ZCCHC2: variants seen among roughly 807,000 people sequenced by gnomAD.
ZCCHC2 encodes the protein zinc finger CCHC domain-containing protein 2.
Under a neutral mutation model 103.6 loss-of-function variants are expected in ZCCHC2, and 39 were observed. The ratio of observed to expected loss-of-function variants is 0.38; its 90% CI spans 0.29 to 0.49. ZCCHC2 has a LOEUF of 0.49. ZCCHC2 is among the 20% of genes least tolerant of loss of function. The pLI, the probability that ZCCHC2 is intolerant of heterozygous loss-of-function variation, is 0.96. For synonymous variants in ZCCHC2, 687 were observed against 608.9 expected (o/e 1.13, Z -1.89); for missense variants, 1,483 against 1,491.0 (o/e 0.99, Z 0.09).
In ZCCHC2 at chr18:62,524,160, C is replaced by T; in HGVS notation, c.736C>T (p.Arg246Trp). 3 of 1,546,360 alleles carry T rather than the reference C, an allele frequency of 1.9e-6. No individual in the cohort carries two copies. The highest frequency in any genetic ancestry group is 2.6e-6 in the Non-Finnish European group (3 of 1,145,990). ...SGPEGGIVEPRVGGGLGSRAQ... is the reference protein window; with the variant it reads ...SGPEGGIVEPWVGGGLGSRAQ... ...CCCGGAAGGCGGCATTGTGGAGCCCCGGGTCGGCGGCGGGCTTGGCTCCAG... is the reference window on the plus strand; with the variant it reads ...CCCGGAAGGCGGCATTGTGGAGCCCTGGGTCGGCGGCGGGCTTGGCTCCAG... Residue 246 changes from arginine (R) to tryptophan (W), a missense_variant, in exon 1 of 14, where the codon CGG (arginine) becomes TGG (tryptophan). By Grantham distance (101) the Arg-to-Trp change is moderately radical. This residue lies in a region of ZCCHC2 where 568 missense variants were observed against 525.1 expected (regional missense o/e 1.08). Transcript: ENST00000269499.
chr18:62,534,629 T>A (rs895103332), intron 1 of ZCCHC2, among the ~76,000 whole-genome samples: 2 of 152,212 alleles, frequency 1.3e-5, no homozygotes, highest in Non-Finnish European at 2.9e-5. Context: ...TTTTTATGTT[T>A]CTTGTTAGAA....
intron 1 of ZCCHC2, 187 bp downstream of exon 1, chr18:62,524,550 C>T (rs918725699): frequency 1.0e-5 from 9 of 857,926 alleles, no homozygotes; most frequent in African/African-American, 1.8e-5. Flanking sequence ...TCCACTCCCC[C>T]ACCCCACCCC....
chr18:62,542,783 A>G (rs1311732274), intron 3 of ZCCHC2, among the ~76,000 whole-genome samples: 1 of 152,214 alleles, frequency 6.6e-6, no homozygotes, highest in Non-Finnish European at 1.5e-5. Flanking sequence ...CTATTTTATT[A>G]AAAAGAAGTA....
At chr18:62,564,116 TATAA>T (rs1916240334) in intron 9 of ZCCHC2, among the ~76,000 whole-genome samples, 2 of 152,352 alleles carry the variant, frequency 1.3e-5, no homozygotes, top group South Asian at 4.1e-4. Context: ...TCTGAGAAAT[TATAA>T]ATAGTTTTAG....
chr18:62,560,674 G>A (rs766999476), intron 8 of ZCCHC2, 30 bp downstream of exon 8: 1 of 1,565,670 alleles, frequency 6.4e-7, no homozygotes, highest in Non-Finnish European at 8.8e-7. Flanking sequence ...AACAAAAAGT[G>A]CTTTGGTATG....
intron 6 of ZCCHC2, 136 bp from the exon 7 acceptor site, chr18:62,558,551 G>A: frequency 2.0e-6 from 1 of 512,786 alleles, no homozygotes; most frequent in Non-Finnish European, 3.5e-6. Flanking sequence ...GTGTCATCTT[G>A]CCTTCTCACT....
chr18:62,586,282 A>C (rs1366085769), exon 15 of ZCCHC2: 1 of 151,666 alleles, frequency 6.6e-6, no homozygotes, highest in Non-Finnish European at 1.5e-5. Context: ...AACTGATTTG[A>C]AGTTCTTATT....
rs764307980 is a variant in ZCCHC2, at chr18:62,575,365, A to G, written c.3284A>G (p.Asn1095Ser). The change falls in exon 13 of 14, where the codon AAC becomes AGC. Residue 1095 changes from asparagine to serine, a missense_variant. By Grantham distance (46) the Asn-to-Ser change is conservative. Around this residue, in one of 3 missense-constraint regions of ZCCHC2, gnomAD observed 884 missense variants for 907.5 expected, o/e 0.97. Transcript: ENST00000269499. ...GACCCAGTCATGGGGAGCCAAGCCA[A>G]CTATGGCATGCAGCAGATGGCAGGA... is the stretch of plus-strand genomic sequence containing the variant. ...VHDPVMGSQANYGMQQMAGFG... is the reference protein window; with the variant it reads ...VHDPVMGSQASYGMQQMAGFG... 2 of 1,613,986 alleles carry G rather than the reference A, an allele frequency of 1.2e-6. No homozygotes were observed. The highest frequency in any genetic ancestry group is 1.7e-5 in the Admixed American group (1 of 60,018).
chr18:62,544,833 T>C lies in ZCCHC2; in HGVS notation c.1160T>C (p.Val387Ala). Residue 387 changes from valine to alanine, a missense_variant, in exon 4 of 14, where the codon GTA becomes GCA. By Grantham distance (64) the Val-to-Ala change is moderately conservative (BLOSUM62 0). This residue lies in a region of ZCCHC2 where 31 missense variants were observed against 58.4 expected (regional missense o/e 0.53). Transcript: ENST00000269499. ...VNWSDLSVTT[V>A]TKTHQELQEF... ...TGGTCTGATCTTTCAGTCACAACAG[T>C]AACAAAAACCCACCAAGAACTACAG... 6.5e-7 allele frequency: 1 copy of C among 1,546,860 alleles called. No individual in the cohort carries two copies. Among genetic ancestry groups the C allele is most frequent in the Non-Finnish European group, 8.7e-7 (1 of 1,148,464 alleles).
chr18:62,561,190 G>A (rs967570047), intron 8 of ZCCHC2, among the ~76,000 whole-genome samples: 11 of 152,152 alleles, frequency 7.2e-5, no homozygotes, highest in South Asian at 4.2e-4. Flanking sequence ...TAGTCACATC[G>A]GCCAGTGATG....
At chr18:62,548,042 A>C (rs1915494141) in intron 4 of ZCCHC2, among the ~76,000 whole-genome samples, 1 of 152,176 alleles carries the variant, frequency 6.6e-6, no homozygotes, top group African/African-American at 2.4e-5. Flanking sequence ...AAGGGGTGCT[A>C]CAAGCATTAG....
chr18:62,542,506 A>G lies in ZCCHC2; in HGVS notation c.1060A>G (p.Ile354Val), dbSNP rs747426951. Residue 354 changes from isoleucine to valine, a missense_variant, in exon 3 of 14, where the codon ATT becomes GTT. Coordinates refer to ENST00000269499, the MANE Select transcript of ZCCHC2 (RefSeq NM_017742.6). ...PHRAQREAVHIEKIMLKGVQR... is the reference protein window; with the variant it reads ...PHRAQREAVHVEKIMLKGVQR... ...TGTTTTTTTTCTTTCAGCTGTACAC[A>G]TTGAGAAGATAATGTTGAAAGGAGT... 4 of 1,561,220 alleles carry G rather than the reference A, an allele frequency of 2.6e-6. No homozygotes were observed. The highest frequency in any genetic ancestry group is 4.7e-5 in the East Asian group (2 of 42,382).
intron 5 of ZCCHC2, among the ~76,000 whole-genome samples, chr18:62,553,156 ATGTGTG>A (rs142422088): frequency 0.14 from 19,207 of 139,722 alleles, 1,296 homozygotes; most frequent in East Asian, 0.21. Context: ...CCTTAGATTT[ATGTGTG>A]TGTGTGTGTG....
intron 4 of ZCCHC2, among the ~76,000 whole-genome samples, chr18:62,545,157 G>A (rs1036422345): frequency 7.2e-5 from 11 of 152,248 alleles, no homozygotes; most frequent in African/African-American, 2.2e-4. Context: ...AGGCCAAGGC[G>A]GGAGGATCAT....
At chr18:62,536,673 G>A (rs1259353201) in intron 1 of ZCCHC2, among the ~76,000 whole-genome samples, 1 of 152,190 alleles carries the variant, frequency 6.6e-6, no homozygotes, top group Non-Finnish European at 1.5e-5. Flanking sequence ...ACATGAGTGA[G>A]TTTAGTAATA....
At chr18:62,575,628 C>T in intron 13 of ZCCHC2, 78 bp downstream of exon 13, 1 of 1,477,908 alleles carries the variant, frequency 6.8e-7, no homozygotes, top group South Asian at 1.3e-5. Flanking sequence ...TCATGGGATT[C>T]TGTTGTAGCA....
intron 1 of ZCCHC2, chr18:62,525,495 G>A (rs559658863): frequency 1.3e-5 from 2 of 148,828 alleles, no homozygotes; most frequent in Non-Finnish European, 3.0e-5. Context: ...CTCCTTGCTT[G>A]AACGTTAATT....
intron 5 of ZCCHC2, among the ~76,000 whole-genome samples, chr18:62,550,844 G>A (rs940490996): frequency 6.6e-6 from 1 of 152,196 alleles, no homozygotes; most frequent in African/African-American, 2.4e-5. Flanking sequence ...GGGCAGCCCT[G>A]CTTTCCAGCA....
chr18:62,564,605 A>G lies in ZCCHC2; in HGVS notation c.1721A>G (p.Asn574Ser). Residue 574 changes from asparagine to serine, a missense_variant, in exon 10 of 14, where the codon AAT becomes AGT. Asn to Ser is a conservative substitution (Grantham distance 46, BLOSUM62 1). Transcript: ENST00000269499. ...GAAAAACGGAGTTTATCTTCAATAAATAAGAAGAAAGGAAAGCCACAAACA... is the reference window on the plus strand; with the variant it reads ...GAAAAACGGAGTTTATCTTCAATAAGTAAGAAGAAAGGAAAGCCACAAACA... ...SAEKRSLSSINKKKGKPQTEK... is the reference protein window; with the variant it reads ...SAEKRSLSSISKKKGKPQTEK... 2 of 1,545,418 alleles carry G rather than the reference A, an allele frequency of 1.3e-6. No individual in the cohort carries two copies. The highest frequency in any genetic ancestry group is 1.7e-6 in the Non-Finnish European group (2 of 1,144,032).
Sources: gnomAD v4.1 joint callset for allele counts (sites outside exome capture counted in the v4.1 genomes callset) on GRCh38, gnomAD v4.1.1 for gene constraint, gnomAD v4.1.1 regional missense constraint, MANE v1.5 for transcripts, NCBI Gene and HGNC (gene_info 2026-07-23, HGNC 2026-07-21) for gene names.